Variants in TBC1D5 observed in about 807,000 individuals in gnomAD.
The protein encoded by TBC1D5 is TBC1 domain family, member 5.
A neutral mutation model predicts 100.3 loss-of-function variants in TBC1D5; 75 were observed. The ratio of observed to expected loss-of-function variants is 0.75; its 90% confidence interval spans 0.62 to 0.91. The LOEUF (loss-of-function observed/expected upper bound fraction) is 0.91. TBC1D5 is among the 40% of genes least tolerant of loss of function. The pLI, the probability that TBC1D5 is intolerant of heterozygous loss-of-function variation, is 0.00. For synonymous variants in TBC1D5, 323 were observed against 325.6 expected (o/e 0.99, Z 0.09); for missense variants, 910 against 942.4 (o/e 0.97, Z 0.45).
intron 2 of TBC1D5, among the ~76,000 whole-genome samples, chr3:17,557,592 C>T (rs886961634): frequency 6.6e-6 from 1 of 151,904 alleles, no homozygotes; most frequent in Non-Finnish European, 1.5e-5. Flanking sequence ...ACTCTGTCAC[C>T]CAGGCTGGAG....
intron 13 of TBC1D5, among the ~76,000 whole-genome samples, chr3:17,364,826 G>T (rs1322126124): frequency 6.6e-6 from 1 of 151,968 alleles, no homozygotes; most frequent in African/African-American, 2.4e-5. Flanking sequence ...CAGGAATTTT[G>T]CACTGAGCAC....
intron 19 of TBC1D5, 160 bp downstream of exon 20, chr3:17,184,949 T>C (rs1053237934): frequency 6.1e-6 from 3 of 488,318 alleles, no homozygotes; most frequent in Admixed American, 6.8e-5. Flanking sequence ...CTATATAATG[T>C]AGAGAGTGAG....
intron 1 of TBC1D5, among the ~76,000 whole-genome samples, chr3:17,642,167 T>G (rs1407141345): frequency 6.6e-6 from 1 of 152,210 alleles, no homozygotes; most frequent in South Asian, 2.1e-4. Flanking sequence ...ACTCACAACA[T>G]CCTTCCAAAG....
In TBC1D5 at chr3:17,738,449, T is replaced by C. The variant is rs893198492; in HGVS notation, c.-101+894A>G. Among the ~76,000 whole-genome samples the C allele has an allele frequency of 3.9e-5, 6 of 152,142 alleles. No individual in the cohort carries two copies. The East Asian group carries it at 1.2e-3, about 29-fold the overall frequency. On this transcript the variant is annotated intron_variant, in intron 1 of 21. Coordinates refer to ENST00000253692, the Ensembl canonical transcript of TBC1D5. ...CAAAGTTACTATTATTTTCCCCATT[T>C]TAAAGATGAGAAAAGTGAGGCACTG...
intron 16 of TBC1D5, among the ~76,000 whole-genome samples, chr3:17,256,723 T>G (rs930767565): frequency 2.6e-5 from 4 of 152,156 alleles, no homozygotes; most frequent in African/African-American, 9.7e-5. Flanking sequence ...CCTCAGGGGC[T>G]TAGATTTTAG....
At chr3:17,590,427 C>T (rs1259116303) in intron 2 of TBC1D5, among the ~76,000 whole-genome samples, 3 of 152,156 alleles carry the variant, frequency 2.0e-5, no homozygotes, top group Non-Finnish European at 4.4e-5. Context: ...ATTGGAAATA[C>T]CTGATCTCCC....
chr3:17,520,402 A>T (rs2153308802), intron 2 of TBC1D5, among the ~76,000 whole-genome samples: 1 of 152,322 alleles, frequency 6.6e-6, no homozygotes, highest in East Asian at 1.9e-4. Flanking sequence ...TGAAATTTTT[A>T]AATTAAGGTT....
At chr3:17,370,207 C>T (rs934632280) in intron 13 of TBC1D5, among the ~76,000 whole-genome samples, 1 of 152,200 alleles carries the variant, frequency 6.6e-6, no homozygotes, top group Non-Finnish European at 1.5e-5. Flanking sequence ...ACCACTGCAA[C>T]ATCAAGCACC....
chr3:17,346,424 C>T (rs1316817969), intron 13 of TBC1D5, among the ~76,000 whole-genome samples: 1 of 152,048 alleles, frequency 6.6e-6, no homozygotes, highest in Non-Finnish European at 1.5e-5. Flanking sequence ...ACCACCTGCC[C>T]ATTTTTCTAT....
At chr3:17,190,018 C>A (rs2069667378) in intron 18 of TBC1D5, among the ~76,000 whole-genome samples, 2 of 152,250 alleles carry the variant, frequency 1.3e-5, no homozygotes, top group Admixed American at 1.3e-4. Context: ...ATAGTTGATG[C>A]ATCATTAGAC....
intron 13 of TBC1D5, among the ~76,000 whole-genome samples, chr3:17,343,496 A>G (rs2089342644): frequency 7.1e-6 from 1 of 140,170 alleles, no homozygotes. Context: ...TAAGTTAGGG[A>G]GGATTCCCTC....
At chr3:17,469,411 C>T (rs1356959973) in intron 3 of TBC1D5, among the ~76,000 whole-genome samples, 2 of 151,742 alleles carry the variant, frequency 1.3e-5, no homozygotes, top group Admixed American at 6.6e-5. Context: ...TTTCTAGCAA[C>T]GAATGTATAG....
At chr3:17,460,427 G>T (rs2095181276) in intron 3 of TBC1D5, among the ~76,000 whole-genome samples, 1 of 152,050 alleles carries the variant, frequency 6.6e-6, no homozygotes, top group African/African-American at 2.4e-5. Flanking sequence ...ATGCTCAAAT[G>T]GTTATTACGA....
Position 17,339,438 on chromosome 3 carries a change from G to T in TBC1D5, c.996-31304C>A, listed in dbSNP as rs189089697. ...TTTTCACGTGGCATCCGGTCTGACT[G>T]GGGACAAATGTCAAATAACTTATCT... On this transcript the variant is annotated intron_variant, in intron 13 of 21. Coordinates refer to ENST00000253692, the Ensembl canonical transcript of TBC1D5. Among the ~76,000 whole-genome samples the T allele has an allele frequency of 2.0e-5, 3 of 152,230 alleles. No individual in the cohort carries two copies. The East Asian group carries it at 5.8e-4, about 29-fold the overall frequency.
rs540932523 is a variant in TBC1D5, at chr3:17,331,273, C to T, written c.996-23139G>A. ...CAGCCCCTCTAATCACTGTTTAGGTCGAAGTGTCAACTCGTTCTTAATCTC... is the reference window on the plus strand; with the variant it reads ...CAGCCCCTCTAATCACTGTTTAGGTTGAAGTGTCAACTCGTTCTTAATCTC... On this transcript the variant is annotated intron_variant, in intron 13 of 21. Coordinates refer to ENST00000253692, the Ensembl canonical transcript of TBC1D5. Among the ~76,000 whole-genome samples the T allele has an allele frequency of 3.0e-4, 45 of 152,232 alleles. No homozygotes were observed. In the South Asian group the frequency reaches 5.4e-3, roughly 18 times the overall value.
rs184398387 is a variant in TBC1D5, at chr3:17,516,168, T to C, written c.-35-7563A>G. On this transcript the variant is annotated intron_variant, in intron 2 of 21. Coordinates refer to ENST00000253692, the Ensembl canonical transcript of TBC1D5. ...CTAAATCCTGTACATAATTCCAACA[T>C]TCAACTTTTCCTTTAGGGACCAGCA... 3.9e-3 allele frequency among the ~76,000 whole-genome samples: 592 copies of C among 152,338 alleles called. 24 individuals carry two copies. Among genetic ancestry groups the C allele is most frequent in the Admixed American group, 0.035 (535 of 15,302 alleles).
chr3:17,353,149 C>A (rs2090834364), intron 13 of TBC1D5, among the ~76,000 whole-genome samples: 1 of 151,952 alleles, frequency 6.6e-6, no homozygotes, highest in Non-Finnish European at 1.5e-5. Context: ...AAGTTACCTG[C>A]AAGAGACTTG....
At chr3:17,178,578 G>A (rs1043284910) in intron 19 of TBC1D5, among the ~76,000 whole-genome samples, 8 of 152,070 alleles carry the variant, frequency 5.3e-5, no homozygotes, top group Non-Finnish European at 1.2e-4. Flanking sequence ...TTAGTTTTTA[G>A]GAACCTCCAA....
intron 2 of TBC1D5, among the ~76,000 whole-genome samples, chr3:17,540,992 C>T (rs1029390379): frequency 2.0e-5 from 3 of 148,646 alleles, no homozygotes; most frequent in Non-Finnish European, 4.5e-5. Context: ...TATTTCTGGG[C>T]TCTCTCTTCT....
Sources: gnomAD v4.1 joint callset for allele counts (sites outside exome capture counted in the v4.1 genomes callset) on GRCh38, gnomAD v4.1.1 for gene constraint, MANE v1.5 for transcripts, NCBI Gene and HGNC (gene_info 2026-07-23, HGNC 2026-07-21) for gene names.